The following NCAM2 variants were observed in gnomAD, a reference collection of about 807,000 sequenced individuals.
NCAM2 encodes the protein neural cell adhesion molecule 2.
Under a neutral mutation model 98.1 loss-of-function variants are expected in NCAM2, and 30 were observed. That is an observed-to-expected ratio of 0.31 (90% CI 0.23 to 0.41). NCAM2 has a LOEUF of 0.41. NCAM2 is among the 10% of genes least tolerant of loss of function. The pLI is 1.00. For synonymous variants in NCAM2, 368 were observed against 342.4 expected (o/e 1.07, Z -0.83); for missense variants, 867 against 1,005.8 (o/e 0.86, Z 1.87).
intron 16 of NCAM2, among the ~76,000 whole-genome samples, chr21:21,518,255 G>T (rs1037060465): frequency 6.6e-6 from 1 of 151,942 alleles, no homozygotes; most frequent in African/African-American, 2.4e-5. Flanking sequence ...TGTTCTGTAA[G>T]GGATATTTTT....
Position 21,070,285 on chromosome 21 carries a change from ATAATC to A in NCAM2, c.55+71672_55+71676del, listed in dbSNP as rs2065533952. On this transcript the variant is annotated intron_variant, in intron 1 of 17. Transcript: ENST00000400546. The stretch of plus-strand genomic sequence containing the variant: ...ACATAGTGTATATATATATATATAT[ATAATC>A]TAATATGTAAATATGTTATCAATTT... Among the ~76,000 whole-genome samples, 3 of 150,316 alleles carry A rather than the reference ATAATC, an allele frequency of 2.0e-5. No individual in the cohort carries two copies. The Admixed American group carries it at 2.0e-4, about 10-fold the overall frequency.
chr21:21,455,114 A>G (rs1419015880), intron 12 of NCAM2, among the ~76,000 whole-genome samples: 3 of 150,836 alleles, frequency 2.0e-5, no homozygotes, highest in Non-Finnish European at 4.4e-5. Context: ...TACGTCTACC[A>G]TTATAAATTT....
chr21:21,138,514 G>A (rs951940221), intron 1 of NCAM2, among the ~76,000 whole-genome samples: 1 of 152,068 alleles, frequency 6.6e-6, no homozygotes, highest in Non-Finnish European at 1.5e-5. Context: ...ATGATAACTG[G>A]AAGAGTTGAC....
chr21:21,345,598 A>C (rs34224060), intron 8 of NCAM2, among the ~76,000 whole-genome samples: 3 of 152,036 alleles, frequency 2.0e-5, no homozygotes, highest in Admixed American at 1.3e-4. Flanking sequence ...AATAAAAAAA[A>C]TGAAGCATGC....
intron 8 of NCAM2, among the ~76,000 whole-genome samples, chr21:21,351,875 T>C (rs758090333): frequency 2.6e-5 from 4 of 151,942 alleles, no homozygotes; most frequent in Non-Finnish European, 4.4e-5. Flanking sequence ...GCCTCTGGAG[T>C]TGCTAGGATT....
chr21:21,370,822 T>TA lies in NCAM2; in HGVS notation c.1045-3040dup, dbSNP rs200815307. 8.1e-3 allele frequency among the ~76,000 whole-genome samples: 1,228 copies of TA among 152,034 alleles called. 16 individuals carry two copies. The highest frequency in any genetic ancestry group is 0.028 in the African/African-American group (1,179 of 41,542). ...TCATAGTGATGTCATGGAGATTAAA[T>TA]ACACTAGTAAATGTAAAGCTTTTTG... On this transcript the variant is annotated intron_variant, in intron 8 of 17. Coordinates refer to ENST00000400546, the MANE Select transcript of NCAM2 (RefSeq NM_004540.5).
chr21:21,424,053 A>C (rs1407449631), intron 11 of NCAM2, among the ~76,000 whole-genome samples: 1 of 152,148 alleles, frequency 6.6e-6, no homozygotes. Flanking sequence ...CACTTTCTTC[A>C]CCTAAATATA....
At chr21:21,391,077 G>A (rs1290873031) in intron 9 of NCAM2, among the ~76,000 whole-genome samples, 2 of 152,158 alleles carry the variant, frequency 1.3e-5, no homozygotes. Flanking sequence ...ATTTAGTCGA[G>A]TGTGGTAGTG....
rs375190920 is a variant in NCAM2 at position 21,504,710 on chromosome 21, C to T, written c.2078-4141C>T. On this transcript the variant is annotated intron_variant, in intron 15 of 17. Coordinates refer to ENST00000400546, the MANE Select transcript of NCAM2 (RefSeq NM_004540.5). The stretch of plus-strand genomic sequence containing the variant: ...GCATTTAAATACATCCTCAAGGTGA[C>T]ATTTAATATATATATAATATGTATA... Among the ~76,000 whole-genome samples, 10 of 151,716 alleles carry T rather than the reference C, an allele frequency of 6.6e-5. No individual in the cohort carries two copies. In the South Asian group the frequency reaches 1.0e-3, roughly 16 times the overall value.
At chr21:21,400,199 G>T (rs577812508) in intron 9 of NCAM2, among the ~76,000 whole-genome samples, 1 of 152,304 alleles carries the variant, frequency 6.6e-6, no homozygotes, top group African/African-American at 2.4e-5. Flanking sequence ...GCTGGCATAT[G>T]TTACTGTTTC....
chr21:21,224,177 G>T (rs1230049732), intron 1 of NCAM2, among the ~76,000 whole-genome samples: 2 of 152,148 alleles, frequency 1.3e-5, no homozygotes, highest in African/African-American at 4.8e-5. Context: ...ATCAGATACT[G>T]CAAAGTCTTT....
At chr21:21,216,749 C>T (rs2069918811) in intron 1 of NCAM2, among the ~76,000 whole-genome samples, 2 of 152,114 alleles carry the variant, frequency 1.3e-5, no homozygotes, top group South Asian at 4.1e-4. Flanking sequence ...AATACATGAC[C>T]TTGGTGAGGA....
intron 15 of NCAM2, among the ~76,000 whole-genome samples, chr21:21,487,057 A>G (rs1397255756): frequency 6.6e-6 from 1 of 152,164 alleles, no homozygotes; most frequent in Admixed American, 6.5e-5. Flanking sequence ...AGGCTTTGTG[A>G]TCTGCCTTAT....
intron 1 of NCAM2, among the ~76,000 whole-genome samples, chr21:21,131,762 A>T (rs1164319422): frequency 6.6e-6 from 1 of 152,184 alleles, no homozygotes; most frequent in African/African-American, 2.4e-5. Context: ...TCTCAATTTT[A>T]TGCATATATT....
chr21:21,113,532 GCTT>G (rs2066494819), intron 1 of NCAM2, among the ~76,000 whole-genome samples: 1 of 151,856 alleles, frequency 6.6e-6, no homozygotes, highest in Non-Finnish European at 1.5e-5. Context: ...CAAACTAGTT[GCTT>G]TTTGTTTCTT....
chr21:21,455,882 TAATG>T (rs1476267530), intron 12 of NCAM2, among the ~76,000 whole-genome samples: 3 of 151,950 alleles, frequency 2.0e-5, no homozygotes, highest in Non-Finnish European at 4.4e-5. Context: ...TTATTAGAAT[TAATG>T]GAGATATCTG....
At chr21:21,080,409 G>A (rs1207653133) in intron 1 of NCAM2, among the ~76,000 whole-genome samples, 1 of 151,858 alleles carries the variant, frequency 6.6e-6, no homozygotes, top group African/African-American at 2.4e-5. Context: ...CTGAGGTAGG[G>A]AGTTCAGGAC....
chr21:21,136,384 C>G (rs1331938232), intron 1 of NCAM2, among the ~76,000 whole-genome samples: 1 of 152,052 alleles, frequency 6.6e-6, no homozygotes, highest in African/African-American at 2.4e-5. Flanking sequence ...CAAATGATAA[C>G]AGCATTGAAA....
chr21:21,215,206 A>G (rs1222084177), intron 1 of NCAM2, among the ~76,000 whole-genome samples: 1 of 152,112 alleles, frequency 6.6e-6, no homozygotes, highest in Non-Finnish European at 1.5e-5. Context: ...TTATCTGTAT[A>G]TGCATGTGCT....
Sources: gnomAD v4.1 joint callset for allele counts (sites outside exome capture counted in the v4.1 genomes callset) on GRCh38, gnomAD v4.1.1 for gene constraint, MANE v1.5 for transcripts, NCBI Gene and HGNC (gene_info 2026-07-23, HGNC 2026-07-21) for gene names.